ITGB6: variants seen among roughly 807,000 people sequenced by gnomAD.
ITGB6 encodes integrin beta-6.
Under a neutral mutation model 84.5 loss-of-function variants are expected in ITGB6, and 80 were observed. That is an observed-to-expected ratio of 0.95 (90% CI 0.79 to 1.14). The LOEUF (loss-of-function observed/expected upper bound fraction) is 1.14, where lower values mean the gene tolerates loss of function less well. Among genes scored for constraint, ITGB6 ranks in the 50% most tolerant of loss-of-function variants. The pLI is 0.00. For missense variants in ITGB6, 1,006 were observed against 968.0 expected, an observed-to-expected ratio of 1.04 and a Z score of -0.52; for synonymous variants, 383 against 354.9, an observed-to-expected ratio of 1.08 and a Z score of -0.89.
In ITGB6 at chr2:160,199,695, G is replaced by A. The variant is rs565066474; in HGVS notation, c.61+308C>T. On this transcript the variant is annotated intron_variant, in intron 1 of 14. Coordinates refer to ENST00000283249, the MANE Select transcript of ITGB6 (RefSeq NM_000888.5). ...TTACTCCTAAGTGGAAGATCTTGTGGTAGAATAAAATAGAAAAGTTTCAAA... is the reference window on the plus strand; with the variant it reads ...TTACTCCTAAGTGGAAGATCTTGTGATAGAATAAAATAGAAAAGTTTCAAA... 5.3e-4 allele frequency among the ~76,000 whole-genome samples: 81 copies of A among 152,220 alleles called. 2 individuals are homozygous for A. In the South Asian group the frequency reaches 6.9e-3, roughly 13 times the overall value.
chr2:160,180,079 C>A (rs563396750), intron 4 of ITGB6, among the ~76,000 whole-genome samples: 2 of 149,016 alleles, frequency 1.3e-5, no homozygotes, highest in African/African-American at 5.0e-5. Flanking sequence ...TGCCATTGCA[C>A]TCTAGCCTGG....
intron 7 of ITGB6, among the ~76,000 whole-genome samples, chr2:160,162,872 G>A (rs757091580): frequency 1.3e-5 from 2 of 152,136 alleles, no homozygotes; most frequent in Non-Finnish European, 2.9e-5. Flanking sequence ...CACCCACCTC[G>A]GCCCCCAAAG....
intron 4 of ITGB6, among the ~76,000 whole-genome samples, chr2:160,194,201 T>C (rs941289998): frequency 2.0e-5 from 3 of 152,054 alleles, no homozygotes; most frequent in Non-Finnish European, 2.9e-5. Flanking sequence ...TACTCTCTTT[T>C]TAAGCCACTG....
chr2:160,152,689 C>G (rs191205277), intron 7 of ITGB6, among the ~76,000 whole-genome samples: 1 of 152,092 alleles, frequency 6.6e-6, no homozygotes, highest in Non-Finnish European at 1.5e-5. Context: ...GATTGTATAT[C>G]TAGAAAACCC....
chr2:160,137,923 A>G (rs1189707951), intron 9 of ITGB6, 72 bp from the exon 10 acceptor site: 3 of 1,555,286 alleles, frequency 1.9e-6, no homozygotes, highest in Non-Finnish European at 1.7e-6. Flanking sequence ...CTTCACGGAA[A>G]TCAGCTTTGC....
chr2:160,183,269 G>A, intron 4 of ITGB6, among the ~76,000 whole-genome samples: 1 of 152,088 alleles, frequency 6.6e-6, no homozygotes, highest in African/African-American at 2.4e-5. Flanking sequence ...GACACGCATG[G>A]GCTCAAAATA....
At chr2:160,137,879 C>T in intron 9 of ITGB6, 28 bp from the exon 10 acceptor site, 1 of 1,601,796 alleles carries the variant, frequency 6.2e-7, no homozygotes, top group Non-Finnish European at 8.5e-7. Flanking sequence ...AATTATCTCC[C>T]TCCATCCACC....
rs966484703 is a variant in ITGB6 at position 160,107,780 on chromosome 2, C to G, written c.2167G>C (p.Gly723Arg). ...TTCCAGATGCACAGTAGGACAACCC[C>G]GATGAGAAGAATAGCCAGGGAAACC... ...LGVSLAILLI[G>R]VVLLCIWKLL... The change falls in exon 14 of 15, where the codon GGG becomes CGG. Residue 723 changes from glycine to arginine, a missense_variant. Transcript: ENST00000283249. The G allele has an allele frequency of 1.2e-6, 2 of 1,613,716 alleles. No individual in the cohort carries two copies. Among genetic ancestry groups the G allele is most frequent in the African/African-American group, 1.3e-5 (1 of 74,884 alleles).
chr2:160,121,832 T>C (rs1180873689), intron 12 of ITGB6, among the ~76,000 whole-genome samples: 1 of 151,112 alleles, frequency 6.6e-6, no homozygotes, highest in African/African-American at 2.4e-5. Context: ...AACATGTTTT[T>C]GATATGCCCA....
chr2:160,156,021 A>G (rs574696353), intron 7 of ITGB6, among the ~76,000 whole-genome samples: 1 of 152,282 alleles, frequency 6.6e-6, no homozygotes, highest in African/African-American at 2.4e-5. Flanking sequence ...ACATAAGCAC[A>G]CTCTGTGATC....
At chr2:160,145,336 T>C (rs1684147119) in intron 7 of ITGB6, among the ~76,000 whole-genome samples, 1 of 152,214 alleles carries the variant, frequency 6.6e-6, no homozygotes, top group Non-Finnish European at 1.5e-5. Context: ...GGATTTTCCC[T>C]GTCCTCCCTA....
At chr2:160,136,553 A>G (rs1683732522) in intron 10 of ITGB6, among the ~76,000 whole-genome samples, 1 of 152,248 alleles carries the variant, frequency 6.6e-6, no homozygotes, top group South Asian at 2.1e-4. Context: ...ATTACTGGGT[A>G]TATACCCAAA....
At chr2:160,181,318 A>T (rs35056657) in intron 4 of ITGB6, among the ~76,000 whole-genome samples, 1 of 152,112 alleles carries the variant, frequency 6.6e-6, no homozygotes, top group Admixed American at 6.6e-5. Context: ...GGCATCTGCC[A>T]TTACTGAGGG....
chr2:160,146,654 TTC>T (rs149103353), intron 7 of ITGB6, among the ~76,000 whole-genome samples: 4 of 151,564 alleles, frequency 2.6e-5, no homozygotes, highest in African/African-American at 7.3e-5. Context: ...GCGGCTAGCA[TTC>T]TCTCTCTCTC....
chr2:160,114,607 C>T (rs2105783532), intron 12 of ITGB6, among the ~76,000 whole-genome samples: 1 of 152,272 alleles, frequency 6.6e-6, no homozygotes, highest in East Asian at 1.9e-4. Flanking sequence ...TCTGCATTTC[C>T]ATCTGAGGTA....
rs1422449131 is a variant in ITGB6, at chr2:160,138,121, T to C, written c.1186A>G (p.Asn396Asp). The part of the protein sequence containing the change: ...LNLSFTAICN[N>D]GTLFQHQKKC... The stretch of plus-strand genomic sequence containing the variant: ...TTTTGGTGTTGGAAGAGGGTACCGT[T>C]GTTACAGATGGCTGTAAATGACAAG... The change falls in exon 9 of 15, where the codon AAC becomes GAC. Residue 396 changes from asparagine (N) to aspartate (D), a missense_variant. Coordinates refer to ENST00000283249, the MANE Select transcript of ITGB6 (RefSeq NM_000888.5). 2.5e-6 allele frequency: 4 copies of C among 1,613,990 alleles called. No individual in the cohort carries two copies. The highest frequency in any genetic ancestry group is 4.5e-5 in the East Asian group (2 of 44,866).
chr2:160,126,302 A>T, intron 11 of ITGB6, 77 bp downstream of exon 11: 2 of 1,342,730 alleles, frequency 1.5e-6, no homozygotes, highest in Non-Finnish European at 2.1e-6. Flanking sequence ...CTGAGGTCTG[A>T]GTTTACAAAA....
chr2:160,125,302 A>G (rs906994195), intron 11 of ITGB6, among the ~76,000 whole-genome samples: 1 of 152,246 alleles, frequency 6.6e-6, no homozygotes, highest in African/African-American at 2.4e-5. Context: ...CAAAACTAAC[A>G]TAAATCCCAA....
At chr2:160,198,092 A>G (rs796641577) in intron 2 of ITGB6, among the ~76,000 whole-genome samples, 3 of 152,218 alleles carry the variant, frequency 2.0e-5, no homozygotes, top group Non-Finnish European at 4.4e-5. Context: ...TTGTTGTTGT[A>G]TCTCTCTGGC....
Sources: gnomAD v4.1 joint callset for allele counts (sites outside exome capture counted in the v4.1 genomes callset) on GRCh38, gnomAD v4.1.1 for gene constraint, MANE v1.5 for transcripts, NCBI Gene and HGNC (gene_info 2026-07-23, HGNC 2026-07-21) for gene names.